ANOS1: variants seen among roughly 807,000 people sequenced by gnomAD.
ANOS1 encodes anosmin-1.
ANOS1 carries 6 observed loss-of-function variants against 59.0 expected under a neutral mutation model. The observed-to-expected ratio is 0.10, with a 90% CI of 0.06 to 0.20. The LOEUF (loss-of-function observed/expected upper bound fraction) is 0.20. Among genes scored for constraint, ANOS1 ranks in the 10% least tolerant of loss-of-function variants. The pLI is 1.00. For synonymous variants in ANOS1, 217 were observed against 223.4 expected (o/e 0.97, Z 0.25); for missense variants, 433 against 542.3 (o/e 0.80, Z 2.00).
chrX:8,587,131 T>TGGG (rs749868928), intron 5 of ANOS1, among the ~76,000 whole-genome samples: 3 of 95,221 alleles, frequency 3.2e-5, no homozygotes, highest in Admixed American at 2.6e-4. Flanking sequence ...TGTGTGTGTG[T>TGGG]GTGGGGGGGT....
intron 1 of ANOS1, among the ~76,000 whole-genome samples, chrX:8,720,115 TG>T (rs1932864845): frequency 8.9e-6 from 1 of 111,930 alleles, no homozygotes; most frequent in South Asian, 3.7e-4. Context: ...AATTATAAAG[TG>T]TAAACACACA....
At chrX:8,665,123 G>A (rs770023074) in intron 2 of ANOS1, among the ~76,000 whole-genome samples, 1 of 111,762 alleles carries the variant, frequency 8.9e-6, no homozygotes, top group African/African-American at 3.3e-5. Context: ...AGAATGACAG[G>A]CACTCATCCA....
chrX:8,571,950 T>C (rs1930240204), intron 6 of ANOS1, among the ~76,000 whole-genome samples: 1 of 112,016 alleles, frequency 8.9e-6, no homozygotes. Context: ...ATTTGTGGTT[T>C]TGGAATGATG....
intron 2 of ANOS1, among the ~76,000 whole-genome samples, chrX:8,655,671 C>A: frequency 9.0e-6 from 1 of 111,670 alleles, no homozygotes; most frequent in East Asian, 2.8e-4. Flanking sequence ...AATTTATCTC[C>A]TCCTCCCCAC....
chrX:8,608,922 G>A (rs979649511), intron 3 of ANOS1, among the ~76,000 whole-genome samples: 2 of 112,454 alleles, frequency 1.8e-5, no homozygotes, highest in Admixed American at 1.9e-4. Flanking sequence ...TGAAAAGTGA[G>A]TCAATTAAAC....
At chrX:8,613,817 C>T (rs1031891156) in intron 3 of ANOS1, among the ~76,000 whole-genome samples, 5 of 111,389 alleles carry the variant, frequency 4.5e-5, no homozygotes, top group Non-Finnish European at 9.4e-5. Context: ...CATGGCTATC[C>T]CTAAAACAGG....
chrX:8,726,387 T>C (rs1932920876), intron 1 of ANOS1, among the ~76,000 whole-genome samples: 1 of 111,728 alleles, frequency 9.0e-6, no homozygotes, highest in African/African-American at 3.3e-5. Flanking sequence ...GAAGAATCTC[T>C]TAACATCAGT....
chrX:8,572,972 T>G (rs1335763492), intron 6 of ANOS1, among the ~76,000 whole-genome samples: 1 of 110,203 alleles, frequency 9.1e-6, no homozygotes, highest in African/African-American at 3.3e-5. Context: ...ACTCCCCCAG[T>G]CATCAATATT....
chrX:8,697,116 G>A (rs1311253562), intron 2 of ANOS1, among the ~76,000 whole-genome samples: 4 of 111,695 alleles, frequency 3.6e-5, no homozygotes, highest in East Asian at 2.8e-4. Flanking sequence ...GGTGGCAGGC[G>A]CCTGTAATCC....
chrX:8,595,961 T>C (rs981851578), intron 4 of ANOS1, among the ~76,000 whole-genome samples: 16 of 111,022 alleles, frequency 1.4e-4, no homozygotes, highest in African/African-American at 5.3e-4. Context: ...ATGAACCCTA[T>C]TGTGAATTAC....
intron 4 of ANOS1, among the ~76,000 whole-genome samples, chrX:8,592,398 G>A (rs1930637098): frequency 9.0e-6 from 1 of 111,722 alleles, no homozygotes; most frequent in Non-Finnish European, 1.9e-5. Context: ...CTCTATGATC[G>A]GGTCTTTTTG....
At chrX:8,668,526 CAT>C (rs59283885) in intron 2 of ANOS1, among the ~76,000 whole-genome samples, 37,207 of 83,534 alleles carry the variant, frequency 0.45, 6,648 homozygotes, top group East Asian at 0.6. Context: ...TATGATAGTC[CAT>C]ATATATATAT....
At chrX:8,631,038 A>G (rs1931479836) in intron 2 of ANOS1, among the ~76,000 whole-genome samples, 1 of 112,049 alleles carries the variant, frequency 8.9e-6, no homozygotes, top group African/African-American at 3.2e-5. Flanking sequence ...AAAGTTTCCA[A>G]TCTAGATCTC....
In ANOS1 at chrX:8,731,961, C is replaced by G. The variant is rs778437210; in HGVS notation, c.76G>C (p.Gly26Arg). 3.6e-4 allele frequency: 405 copies of G among 1,110,253 alleles called. 1 individual carries two copies. In the African/African-American group the frequency reaches 6.6e-3, roughly 18 times the overall value. The allele number at this position is 1,110,253 out of a possible 1,213,427, so 91.5% of individuals were successfully genotyped here. Residue 26 changes from glycine (G) to arginine (R), a missense_variant, in exon 1 of 14, where the codon GGC becomes CGC. Coordinates refer to ENST00000262648, the MANE Select transcript of ANOS1 (RefSeq NM_000216.4). ...CGCCGCGCAGCAGCCGCGCCGGGGC[C>G]GGCCGCCAGGCAGCCGCTGGAGGCC... Reference protein sequence around the residue: ...LAASSGCLAAGPGAAAARRLD... With the variant: ...LAASSGCLAARPGAAAARRLD...
chrX:8,629,551 G>A (rs1931452239), intron 2 of ANOS1, among the ~76,000 whole-genome samples: 1 of 111,676 alleles, frequency 9.0e-6, no homozygotes, highest in Non-Finnish European at 1.9e-5. Flanking sequence ...TTCAGTTCCA[G>A]AATGCCCTAG....
At chrX:8,568,210 A>C (rs1261210031) in intron 8 of ANOS1, 22 bp downstream of exon 8, 1 of 1,206,668 alleles carries the variant, frequency 8.3e-7, no homozygotes, top group Admixed American at 2.2e-5. Context: ...ATCATCTTGA[A>C]AAACATGACA....
At position 8,535,400 on chromosome X, in the gene ANOS1, C is replaced by T. The variant is rs1022559557; in HGVS notation, c.1842+191G>A. 25 of 454,039 alleles carry T rather than the reference C, an allele frequency of 5.5e-5. No individual in the cohort carries two copies. The African/African-American group carries it at 5.6e-4, about 10-fold the overall frequency. The allele number at this position is 454,039 out of a possible 1,213,427, so 37.4% of individuals were successfully genotyped here. On this transcript the variant is annotated intron_variant, in intron 12 of 13. Coordinates refer to ENST00000262648, the MANE Select transcript of ANOS1 (RefSeq NM_000216.4). ...AACTTTATCTAGATGGCAGCTTATG[C>T]TACTTCTTAGCTATGCAGTCACATT...
intron 2 of ANOS1, among the ~76,000 whole-genome samples, chrX:8,690,521 G>A (rs1352877490): frequency 2.7e-5 from 3 of 111,749 alleles, no homozygotes; most frequent in African/African-American, 9.8e-5. Flanking sequence ...GGGTACTGGG[G>A]CATGGTGCAT....
intron 9 of ANOS1, among the ~76,000 whole-genome samples, chrX:8,542,819 G>A (rs764181583): frequency 9.4e-6 from 1 of 106,617 alleles, no homozygotes; most frequent in South Asian, 4.3e-4. Flanking sequence ...GATTGTATTC[G>A]TTTCCACCCA....
Sources: allele counts gnomAD v4.1 joint callset (sites outside exome capture counted in the v4.1 genomes callset), GRCh38; gene constraint gnomAD v4.1.1; transcripts MANE v1.5; gene names NCBI Gene and HGNC (gene_info 2026-07-23, HGNC 2026-07-21).